Variants in PCDHGA1 observed in about 807,000 individuals in gnomAD.
PCDHGA1 encodes protocadherin gamma-A1.
In PCDHGA1, 32 loss-of-function variants were observed where a neutral mutation model predicts 58.0. The ratio of observed to expected loss-of-function variants is 0.55; its 90% CI spans 0.42 to 0.74. PCDHGA1 has a LOEUF of 0.74. Among genes scored for constraint, PCDHGA1 ranks in the 30% least tolerant of loss-of-function variants. The pLI is 0.00. For missense variants in PCDHGA1, 1,205 were observed against 1,182.3 expected, an observed-to-expected ratio of 1.02 and a Z score of -0.28; for synonymous variants, 498 against 501.1, an observed-to-expected ratio of 0.99 and a Z score of 0.08.
chr5:141,365,353 T>C lies in PCDHGA1; in HGVS notation c.2421+32248T>C, dbSNP rs565922694. On this transcript the variant is annotated intron_variant, in intron 1 of 3. Coordinates refer to ENST00000517417, the MANE Select transcript of PCDHGA1 (RefSeq NM_018912.3). ...TGGTGGTCACAGTACAGGACGTGAA[T>C]GACAATGCCCCCGAAGTGATCCTCA... 7.4e-6 allele frequency: 12 copies of C among 1,613,980 alleles called. No individual in the cohort carries two copies. In the African/African-American group the frequency reaches 1.3e-4, roughly 18 times the overall value.
At chr5:141,344,326 A>C in intron 1 of PCDHGA1, 1 of 1,614,046 alleles carries the variant, frequency 6.2e-7, no homozygotes, top group Non-Finnish European at 8.5e-7. Flanking sequence ...CTCTGCGCTC[A>C]GATCCCGCTG....
At chr5:141,478,295 T>C (rs1210224121) in intron 1 of PCDHGA1, 5 of 1,614,004 alleles carry the variant, frequency 3.1e-6, no homozygotes, top group African/African-American at 2.7e-5. Flanking sequence ...TAGAGACCTA[T>C]ACCGAGCCCC....
chr5:141,356,415 GAC>G, intron 1 of PCDHGA1: 1 of 1,602,540 alleles, frequency 6.2e-7, no homozygotes, highest in Non-Finnish European at 8.5e-7. Flanking sequence ...ATCGGTTGTT[GAC>G]ACACAGAACA....
At chr5:141,421,979 G>A in intron 1 of PCDHGA1, 1 of 1,609,702 alleles carries the variant, frequency 6.2e-7, no homozygotes, top group Non-Finnish European at 8.5e-7. Context: ...TATCGCGTGA[G>A]TGTTCCAGAA....
intron 1 of PCDHGA1, among the ~76,000 whole-genome samples, chr5:141,457,289 G>A (rs907200077): frequency 2.0e-5 from 3 of 152,146 alleles, no homozygotes; most frequent in Non-Finnish European, 4.4e-5. Context: ...GAAGTTCCTT[G>A]GTTTTATTTT....
chr5:141,428,081 C>T (rs768842388), intron 1 of PCDHGA1: 2 of 1,609,218 alleles, frequency 1.2e-6, no homozygotes, highest in Non-Finnish European at 1.7e-6. Context: ...CGGGACACAA[C>T]GCTTGGCTGT....
chr5:141,351,801 G>A, intron 1 of PCDHGA1: 1 of 1,613,308 alleles, frequency 6.2e-7, no homozygotes, highest in Non-Finnish European at 8.5e-7. Flanking sequence ...TTCGCGCAGC[G>A]CGCCTTCGAC....
At chr5:141,350,024 A>T (rs943589040) in intron 1 of PCDHGA1, 1 of 371,568 alleles carries the variant, frequency 2.7e-6, no homozygotes, top group Non-Finnish European at 4.8e-6. Context: ...CAGTTTTCCA[A>T]GACAACCTCT....
intron 1 of PCDHGA1, chr5:141,418,093 C>G: frequency 8.1e-6 from 13 of 1,614,032 alleles, no homozygotes; most frequent in Non-Finnish European, 1.1e-5. Flanking sequence ...TCAGCGTAGA[C>G]GCGCAGAGCG....
chr5:141,347,488 G>A (rs1757973047), intron 1 of PCDHGA1, among the ~76,000 whole-genome samples: 1 of 152,076 alleles, frequency 6.6e-6, no homozygotes, highest in South Asian at 2.1e-4. Context: ...CATAAAAATT[G>A]GAGAACAAAA....
At chr5:141,408,097 C>T (rs2095040197) in intron 1 of PCDHGA1, 5 of 1,434,516 alleles carry the variant, frequency 3.5e-6, no homozygotes, top group Non-Finnish European at 3.7e-6. Context: ...TTGCCAGCTC[C>T]GAGACCCGGG....
At chr5:141,376,676 G>GTTTTTTTTTTTTTTTTTTTTTT (rs67197835) in intron 1 of PCDHGA1, 1 of 275,800 alleles carries the variant, frequency 3.6e-6, no homozygotes, top group Non-Finnish European at 6.2e-6. Context: ...TGAGGGTATC[G>GTTTTTTTTTTTTTTTTTTTTTT]TTTTTTTTTT....
chr5:141,418,350 T>A, intron 1 of PCDHGA1: 1 of 1,614,002 alleles, frequency 6.2e-7, no homozygotes, highest in Non-Finnish European at 8.5e-7. Context: ...GATATTAGTA[T>A]GAATTCGCTG....
intron 1 of PCDHGA1, among the ~76,000 whole-genome samples, chr5:141,481,193 A>G (rs749746998): frequency 1.3e-5 from 2 of 152,216 alleles, no homozygotes; most frequent in Admixed American, 6.5e-5. Context: ...GCCAGGCCCA[A>G]TTTTTTTAAA....
intron 1 of PCDHGA1, chr5:141,345,526 G>T (rs1757589298): frequency 6.2e-7 from 1 of 1,613,990 alleles, no homozygotes; most frequent in Admixed American, 1.7e-5. Context: ...ACTCTCCAGG[G>T]GGCGCCCCTG....
chr5:141,444,184 T>TG, intron 1 of PCDHGA1, among the ~76,000 whole-genome samples: 1 of 138,886 alleles, frequency 7.2e-6, no homozygotes, highest in South Asian at 2.4e-4. Flanking sequence ...TTTTTTTTTT[T>TG]TTTTGAGATG....
chr5:141,428,055 G>C (rs1232516220), intron 1 of PCDHGA1: 8 of 1,608,952 alleles, frequency 5.0e-6, no homozygotes, highest in African/African-American at 1.3e-5. Context: ...CAAGGTGGTG[G>C]CGGTGGACGC....
chr5:141,365,498 T>A, intron 1 of PCDHGA1: 1 of 1,613,936 alleles, frequency 6.2e-7, no homozygotes, highest in Non-Finnish European at 8.5e-7. Flanking sequence ...TCCTAGGAAT[T>A]TGCCTTTTAA....
chr5:141,393,274 T>G (rs747983531), intron 1 of PCDHGA1: 11 of 1,613,952 alleles, frequency 6.8e-6, no homozygotes, highest in Non-Finnish European at 9.3e-6. Flanking sequence ...CGTTATCCAC[T>G]CCCAGAAGCT....
Sources: allele counts gnomAD v4.1 joint callset (sites outside exome capture counted in the v4.1 genomes callset), GRCh38; gene constraint gnomAD v4.1.1; transcripts MANE v1.5; gene names NCBI Gene and HGNC (gene_info 2026-07-23, HGNC 2026-07-21).